The following TPRG1 variants were observed in gnomAD, a reference collection of about 807,000 sequenced individuals.
The protein encoded by TPRG1 is tumor protein p63 regulated 1.
In TPRG1, 29 loss-of-function variants were observed where a neutral mutation model predicts 29.3. The observed-to-expected ratio is 0.99, with a 90% CI of 0.74 to 1.35. The LOEUF (loss-of-function observed/expected upper bound fraction) is 1.35. TPRG1 is among the 40% of genes most tolerant of loss of function. The pLI, the probability that TPRG1 is intolerant of heterozygous loss-of-function variation, is 0.00. For synonymous variants in TPRG1, 130 were observed against 116.8 expected, an observed-to-expected ratio of 1.11 and a Z score of -0.73; for missense variants, 327 against 335.0, an observed-to-expected ratio of 0.98 and a Z score of 0.19.
chr3:189,311,484 T>C (rs2109317975), intron 5 of TPRG1, among the ~76,000 whole-genome samples: 1 of 152,354 alleles, frequency 6.6e-6, no homozygotes, highest in East Asian at 1.9e-4. Context: ...TATGTATGTG[T>C]GTGAAAATAT....
intron 4 of TPRG1, among the ~76,000 whole-genome samples, chr3:189,260,046 C>T (rs1051577055): frequency 2.0e-5 from 3 of 152,136 alleles, no homozygotes; most frequent in East Asian, 3.9e-4. Flanking sequence ...GGCTTAAAGA[C>T]CTTGTTCTGA....
chr3:189,176,712 C>G (rs749161951), intron 1 of TPRG1, among the ~76,000 whole-genome samples: 2 of 152,166 alleles, frequency 1.3e-5, no homozygotes, highest in East Asian at 1.9e-4. Flanking sequence ...GCAGCTGGAA[C>G]AGGAAGTGCA....
chr3:189,262,827 A>G (rs1329198349), intron 4 of TPRG1, among the ~76,000 whole-genome samples: 1 of 152,190 alleles, frequency 6.6e-6, no homozygotes, highest in Non-Finnish European at 1.5e-5. Flanking sequence ...CTGGGGGAAG[A>G]TCACTTTCAA....
intron 3 of TPRG1, chr3:189,219,533 A>T: frequency 1.7e-6 from 2 of 1,178,938 alleles, no homozygotes; most frequent in Non-Finnish European, 2.2e-6. Flanking sequence ...AAAAAAAAAA[A>T]GATTATTTTA....
chr3:188,998,798 T>C (rs1020455246), intron 1 of TPRG1, among the ~76,000 whole-genome samples: 1 of 152,110 alleles, frequency 6.6e-6, no homozygotes, highest in Non-Finnish European at 1.5e-5. Flanking sequence ...AGTGGAATGA[T>C]GCTTACCAGA....
chr3:189,090,294 G>T (rs1718253878), intron 4 of TPRG1, among the ~76,000 whole-genome samples: 1 of 151,980 alleles, frequency 6.6e-6, no homozygotes, highest in Non-Finnish European at 1.5e-5. Context: ...TTTTTGGAGA[G>T]GATGGATAAT....
chr3:189,017,698 A>C (rs975146840), intron 3 of TPRG1, among the ~76,000 whole-genome samples: 1 of 152,210 alleles, frequency 6.6e-6, no homozygotes, highest in South Asian at 2.1e-4. Flanking sequence ...ATACGTGTGC[A>C]TGTCTCTTTA....
At chr3:189,196,759 T>C (rs1732601483) in intron 1 of TPRG1, among the ~76,000 whole-genome samples, 1 of 152,228 alleles carries the variant, frequency 6.6e-6, no homozygotes, top group Non-Finnish European at 1.5e-5. Flanking sequence ...TTCATTGTTC[T>C]GCATATTTAT....
intron 5 of TPRG1, among the ~76,000 whole-genome samples, chr3:189,318,836 C>T (rs1210340402): frequency 6.6e-6 from 1 of 151,986 alleles, no homozygotes; most frequent in Non-Finnish European, 1.5e-5. Flanking sequence ...ATATTTTCTC[C>T]CTTTTGCAAA....
chr3:189,175,033 A>G (rs942634161), intron 1 of TPRG1, among the ~76,000 whole-genome samples: 6 of 152,282 alleles, frequency 3.9e-5, no homozygotes, highest in African/African-American at 1.2e-4. Context: ...CCTATGGTGT[A>G]TTATACAACC....
chr3:189,051,382 T>C (rs1006704619), intron 4 of TPRG1, among the ~76,000 whole-genome samples: 5 of 152,066 alleles, frequency 3.3e-5, no homozygotes, highest in Non-Finnish European at 7.4e-5. Context: ...GGAATATACA[T>C]AACAAAGGAG....
In TPRG1 at chr3:189,238,877, C is replaced by G. The variant is rs1186360099; in HGVS notation, c.447C>G (p.Gly149=). Residue 149 remains glycine, a synonymous_variant, in exon 4 of 6, where the codon GGC becomes GGG. Transcript: ENST00000345063. Reference sequence around the variant, plus strand: ...GCGCTGTCTATCGCATCTGCCTGGGCAAGTTCACCTTCCCTGGGATGTCCC... The same window carrying G: ...GCGCTGTCTATCGCATCTGCCTGGGGAAGTTCACCTTCCCTGGGATGTCCC... The part of the protein sequence containing the change: ...PLSAVYRICL[G]KFTFPGMSLD... The G allele has an allele frequency of 1.2e-6, 2 of 1,613,126 alleles. No homozygotes were observed. The highest frequency in any genetic ancestry group is 3.3e-5 in the Admixed American group (2 of 59,954).
intron 1 of TPRG1, among the ~76,000 whole-genome samples, chr3:189,103,773 T>C (rs1403628562): frequency 6.6e-6 from 1 of 152,166 alleles, no homozygotes; most frequent in Non-Finnish European, 1.5e-5. Flanking sequence ...ATGATTGTTA[T>C]CAGGATCCAG....
chr3:189,156,591 G>A (rs564595430), intron 5 of TPRG1, among the ~76,000 whole-genome samples: 2 of 152,272 alleles, frequency 1.3e-5, no homozygotes, highest in East Asian at 1.9e-4. Flanking sequence ...AGCCCCTGGC[G>A]ATACCCTTTC....
intron 4 of TPRG1, among the ~76,000 whole-genome samples, chr3:189,255,641 G>A (rs1431715483): frequency 6.6e-6 from 1 of 152,086 alleles, no homozygotes; most frequent in Non-Finnish European, 1.5e-5. Context: ...CGGCTGTGAA[G>A]CCATCTGGTC....
intron 4 of TPRG1, among the ~76,000 whole-genome samples, chr3:189,026,992 A>AT (rs1191925758): frequency 2.0e-5 from 3 of 152,108 alleles, no homozygotes; most frequent in Non-Finnish European, 2.9e-5. Flanking sequence ...TGAGCTTTTG[A>AT]TTTTTTGTAA....
chr3:189,143,003 C>G (rs562690303), intron 3 of TPRG1, among the ~76,000 whole-genome samples: 25 of 152,264 alleles, frequency 1.6e-4, no homozygotes, highest in African/African-American at 5.8e-4. Context: ...AGCTAGAGAA[C>G]AAGTAGAAAG....
chr3:189,071,901 GTC>G (rs1716832352), intron 4 of TPRG1, among the ~76,000 whole-genome samples: 1 of 152,186 alleles, frequency 6.6e-6, no homozygotes, highest in African/African-American at 2.4e-5. Context: ...CTTTAAAGTA[GTC>G]TCTGCAGAGC....
intron 5 of TPRG1, among the ~76,000 whole-genome samples, chr3:189,157,160 C>T (rs1726799320): frequency 6.6e-6 from 1 of 152,176 alleles, no homozygotes; most frequent in African/African-American, 2.4e-5. Context: ...CTTCATGGGG[C>T]TGCTTCGCCT....
Sources: allele counts gnomAD v4.1 joint callset (sites outside exome capture counted in the v4.1 genomes callset), GRCh38; gene constraint gnomAD v4.1.1; transcripts MANE v1.5; gene names NCBI Gene and HGNC (gene_info 2026-07-23, HGNC 2026-07-21).